PIEZO2: variants seen among roughly 807,000 people sequenced by gnomAD.
The protein encoded by PIEZO2 is piezo-type mechanosensitive ion channel component 2.
In PIEZO2, 172 loss-of-function variants were observed where a neutral mutation model predicts 337.3. The observed-to-expected ratio is 0.51, with a 90% CI of 0.45 to 0.58. The LOEUF is 0.58. Among genes scored for constraint, PIEZO2 ranks in the 20% least tolerant of loss-of-function variants. The pLI, the probability that PIEZO2 is intolerant of heterozygous loss-of-function variation, is 0.00. For synonymous variants in PIEZO2, 1,251 were observed against 1,228.5 expected, an observed-to-expected ratio of 1.02 and a Z score of -0.38; for missense variants, 3,028 against 3,391.3, an observed-to-expected ratio of 0.89 and a Z score of 2.66.
Position 10,819,373 on chromosome 18 carries a change from T to G in PIEZO2, c.918-12099A>C, listed in dbSNP as rs2040455689. On this transcript the variant is annotated intron_variant, in intron 7 of 55. Transcript: ENST00000674853. This position sits in a 1 kb window ranked among gnomAD's most constrained non-coding sequence, Gnocchi z 4.3. Reference sequence around the variant, plus strand: ...TTTCATTATTCTAATGAATATCTATTCAAAAATAAAAAAGAATTAAAGATT... The same window carrying G: ...TTTCATTATTCTAATGAATATCTATGCAAAAATAAAAAAGAATTAAAGATT... Among the ~76,000 whole-genome samples, 1 of 152,128 alleles carries G rather than the reference T, an allele frequency of 6.6e-6. No homozygotes were observed. The highest frequency in any genetic ancestry group is 2.1e-4 in the South Asian group (1 of 4,822).
In PIEZO2 at chr18:10,704,552, G is replaced by C; in HGVS notation, c.6100C>G (p.Arg2034Gly). 1.3e-6 allele frequency: 2 copies of C among 1,537,254 alleles called. No individual in the cohort carries two copies. The highest frequency in any genetic ancestry group is 1.7e-6 in the Non-Finnish European group (2 of 1,146,904). The part of the protein sequence containing the change: ...FYAMYNTLVA[R>G]SEMVCYFVII... ...ACGAAGTAGCACACCATCTCCGAGC[G>C]GGCCACCAGGGTATTGTACATGGCA... is the stretch of plus-strand genomic sequence containing the variant. Residue 2034 changes from arginine (R) to glycine (G), a missense_variant, in exon 42 of 56, where the codon CGC becomes GGC. Arg to Gly is a moderately radical substitution (Grantham distance 125, BLOSUM62 -2). Coordinates refer to ENST00000674853, the MANE Select transcript of PIEZO2 (RefSeq NM_001378183.1).
chr18:10,721,118 T>C (rs1301685272), intron 36 of PIEZO2, among the ~76,000 whole-genome samples: 1 of 152,212 alleles, frequency 6.6e-6, no homozygotes, highest in Non-Finnish European at 1.5e-5. Context: ...TGAAAGGCTT[T>C]AGAACAAAGA....
Position 10,783,139 on chromosome 18 carries a change from AAAAAAAGATTTTTTTTT to A in PIEZO2, c.2492+1628_2492+1644del, listed in dbSNP as rs1159777846. On this transcript the variant is annotated intron_variant, in intron 17 of 55. Coordinates refer to ENST00000674853, the MANE Select transcript of PIEZO2 (RefSeq NM_001378183.1). This position sits in a 1 kb window ranked among gnomAD's most constrained non-coding sequence, Gnocchi z 4.3. Reference sequence around the variant, plus strand: ...AAGAGAAGAAATGGCATTTGGAAGAAAAAAAAGATTTTTTTTTAAAAAAGATTTCACTAGCAATGCTT... The same window carrying A: ...AAGAGAAGAAATGGCATTTGGAAGAAAAAAAAGATTTCACTAGCAATGCTT... Among the ~76,000 whole-genome samples the A allele has an allele frequency of 4.7e-4, 71 of 152,312 alleles. No homozygotes were observed. Among genetic ancestry groups the A allele is most frequent in the Non-Finnish European group, 7.1e-4 (48 of 68,032 alleles).
intron 1 of PIEZO2, among the ~76,000 whole-genome samples, chr18:11,136,740 G>T (rs11663413): frequency 0.34 from 51,400 of 152,030 alleles, 9,236 homozygotes; most frequent in East Asian, 0.46. Flanking sequence ...GGGAGCCCCA[G>T]TGTGAGTCTC....
intron 2 of PIEZO2, among the ~76,000 whole-genome samples, chr18:11,018,280 G>T (rs2036192536): frequency 1.3e-5 from 2 of 150,432 alleles, no homozygotes. Flanking sequence ...TTGAATTAAT[G>T]GCCCACACTA....
Position 10,794,549 on chromosome 18 carries a change from T to C in PIEZO2, c.1758+223A>G, listed in dbSNP as rs1052998313. Among the ~76,000 whole-genome samples, 2 of 152,218 alleles carry C rather than the reference T, an allele frequency of 1.3e-5. No homozygotes were observed. Among genetic ancestry groups the C allele is most frequent in the Admixed American group, 1.3e-4 (2 of 15,284 alleles). ...AGTTTTCTTTGAGTGGAAAACATTGTCATTCCTAAGTAAAAGCTAAATCAT... is the reference window on the plus strand; with the variant it reads ...AGTTTTCTTTGAGTGGAAAACATTGCCATTCCTAAGTAAAAGCTAAATCAT... On this transcript the variant is annotated intron_variant, in intron 13 of 55. Coordinates refer to ENST00000674853, the MANE Select transcript of PIEZO2 (RefSeq NM_001378183.1). The surrounding 1 kb of genome is among the most constrained non-coding windows in gnomAD (Gnocchi z 6.6).
chr18:10,876,569 C>T (rs2042275066), intron 4 of PIEZO2, among the ~76,000 whole-genome samples: 1 of 152,070 alleles, frequency 6.6e-6, no homozygotes, highest in African/African-American at 2.4e-5. Context: ...CATTTCATTC[C>T]CTCATCTAAT....
intron 3 of PIEZO2, among the ~76,000 whole-genome samples, chr18:10,911,579 A>G (rs1230017783): frequency 1.3e-5 from 2 of 152,042 alleles, no homozygotes; most frequent in African/African-American, 4.8e-5. Context: ...ACATGGTGAA[A>G]CCCTGTCTCA....
chr18:10,720,294 A>G (rs996014709), intron 36 of PIEZO2, among the ~76,000 whole-genome samples: 10 of 131,022 alleles, frequency 7.6e-5, no homozygotes, highest in Non-Finnish European at 1.4e-4. Flanking sequence ...TCATATGTAT[A>G]TTCTCTCTCT....
Position 10,878,415 on chromosome 18 carries a change from C to T in PIEZO2, c.330-7000G>A, listed in dbSNP as rs1456581473. On this transcript the variant is annotated intron_variant, in intron 4 of 55. Transcript: ENST00000674853. The surrounding 1 kb of genome is among the most constrained non-coding windows in gnomAD (Gnocchi z 4.3). The stretch of plus-strand genomic sequence containing the variant: ...ATACACAAACACTAAGAGGAGGGAA[C>T]ATTACTGTTGCCTGGTAATGGCATT... Among the ~76,000 whole-genome samples the T allele has an allele frequency of 6.6e-6, 1 of 152,186 alleles. No homozygotes were observed. The highest frequency in any genetic ancestry group is 1.5e-5 in the Non-Finnish European group (1 of 68,040).
In PIEZO2 at chr18:10,672,844, A is replaced by C; in HGVS notation, c.8191T>G (p.Leu2731Val). ...ENNFMDITIILSRDNTTKYNS... is the reference protein window; with the variant it reads ...ENNFMDITIIVSRDNTTKYNS... The stretch of plus-strand genomic sequence containing the variant: ...TATTTAGTTGTATTGTCTCTGGACA[A>C]AATGATGGTAATATCCATGAAATTA... The change falls in exon 55 of 56, where the codon TTG becomes GTG. Residue 2731 changes from leucine (L) to valine (V), a missense_variant. Physicochemically the swap from Leu to Val is conservative, Grantham distance 32 (BLOSUM62 1). This residue lies in a region of PIEZO2 where 332 missense variants were observed against 363.8 expected (regional missense o/e 0.91). Coordinates refer to ENST00000674853, the MANE Select transcript of PIEZO2 (RefSeq NM_001378183.1). The surrounding 1 kb of genome is among the most constrained non-coding windows in gnomAD (Gnocchi z 4.7). 6.2e-7 allele frequency: 1 copy of C among 1,607,362 alleles called. No homozygotes were observed. Among genetic ancestry groups the C allele is most frequent in the Non-Finnish European group, 8.5e-7 (1 of 1,177,246 alleles).
Position 10,819,616 on chromosome 18 carries a change from T to TTTCTCAATGTTG in PIEZO2, c.918-12354_918-12343dup, listed in dbSNP as rs2040464033. The stretch of plus-strand genomic sequence containing the variant: ...ATTCAATGCACAATTACACAGGTGT[T>TTTCTCAATGTTG]TTCTCAATGTTGTTCTCAATGCATC... On this transcript the variant is annotated intron_variant, in intron 7 of 55. Transcript: ENST00000674853. The surrounding 1 kb of genome is among the most constrained non-coding windows in gnomAD (Gnocchi z 4.3). Among the ~76,000 whole-genome samples, 1 of 152,208 alleles carries TTTCTCAATGTTG rather than the reference T, an allele frequency of 6.6e-6. No homozygotes were observed. The highest frequency in any genetic ancestry group is 1.5e-5 in the Non-Finnish European group (1 of 68,032).
intron 2 of PIEZO2, among the ~76,000 whole-genome samples, chr18:11,040,278 T>G (rs1451769253): frequency 6.6e-6 from 1 of 152,242 alleles, no homozygotes; most frequent in Non-Finnish European, 1.5e-5. Context: ...CCTTTAGCAC[T>G]GTTTCTAAAT....
Position 11,005,176 on chromosome 18 carries a change from G to T in PIEZO2, c.161-25516C>A, listed in dbSNP as rs376974410. On this transcript the variant is annotated intron_variant, in intron 2 of 55. Coordinates refer to ENST00000674853, the MANE Select transcript of PIEZO2 (RefSeq NM_001378183.1). ...TAATGAATGGGGGAAAAACAATTAG[G>T]CTATTGAGTCCATTCCCCTTCACAT... Among the ~76,000 whole-genome samples, 7 of 152,298 alleles carry T rather than the reference G, an allele frequency of 4.6e-5. No individual in the cohort carries two copies. The South Asian group carries it at 1.5e-3, about 32-fold the overall frequency.
intron 1 of PIEZO2, among the ~76,000 whole-genome samples, chr18:11,100,088 G>A (rs1758220205): frequency 2.0e-5 from 3 of 152,128 alleles, no homozygotes; most frequent in Admixed American, 2.0e-4. Flanking sequence ...CAATAATTAT[G>A]TATAAAATGG....
At chr18:11,071,280 A>G (rs532022603) in intron 1 of PIEZO2, among the ~76,000 whole-genome samples, 4 of 152,262 alleles carry the variant, frequency 2.6e-5, no homozygotes, top group African/African-American at 9.6e-5. Flanking sequence ...GAACAAGAAC[A>G]CAAGCTCGGA....
chr18:11,041,030 T>C (rs190705987), intron 2 of PIEZO2, among the ~76,000 whole-genome samples: 2 of 152,264 alleles, frequency 1.3e-5, no homozygotes, highest in South Asian at 2.1e-4. Context: ...AGCAGAACCC[T>C]TTCTCTGGGT....
intron 2 of PIEZO2, among the ~76,000 whole-genome samples, chr18:11,025,750 G>A (rs145034235): frequency 3.5e-4 from 53 of 152,260 alleles, no homozygotes; most frequent in African/African-American, 1.2e-3. Flanking sequence ...CAGAGCCCAT[G>A]GTGACAATTG....
rs544838122 is a variant in PIEZO2, at chr18:10,711,745, A to G, written c.5423+3019T>C. On this transcript the variant is annotated intron_variant, in intron 39 of 55. Coordinates refer to ENST00000674853, the MANE Select transcript of PIEZO2 (RefSeq NM_001378183.1). ...AAAGATGCAAAGGTGCAATATTCAA[A>G]CTCAATACTACGCATGTACGTGATC... Among the ~76,000 whole-genome samples, 56 of 152,344 alleles carry G rather than the reference A, an allele frequency of 3.7e-4. No individual in the cohort carries two copies. In the Middle Eastern group the frequency reaches 0.017, roughly 46 times the overall value.
Sources: allele counts gnomAD v4.1 joint callset (sites outside exome capture counted in the v4.1 genomes callset), GRCh38; gene constraint gnomAD v4.1.1; regional missense constraint gnomAD v4.1.1; non-coding constraint Gnocchi (gnomAD v3.1); transcripts MANE v1.5; gene names NCBI Gene and HGNC (gene_info 2026-07-23, HGNC 2026-07-21).